The following SCML4 variants were observed in gnomAD, a reference collection of about 807,000 sequenced individuals.
SCML4 encodes sex comb on midleg-like protein 4.
A neutral mutation model predicts 41.1 loss-of-function variants in SCML4; 34 were observed. That is an observed-to-expected ratio of 0.83 (90% CI 0.63 to 1.10). The LOEUF is 1.10. Among genes scored for constraint, SCML4 ranks in the 50% least tolerant of loss-of-function variants. The pLI is 0.00. For missense variants in SCML4, 522 were observed against 534.1 expected, an observed-to-expected ratio of 0.98 and a Z score of 0.22; for synonymous variants, 214 against 220.9, an observed-to-expected ratio of 0.97 and a Z score of 0.28.
chr6:107,790,745 C>T (rs1562261986), intron 1 of SCML4, among the ~76,000 whole-genome samples: 1 of 152,160 alleles, frequency 6.6e-6, no homozygotes, highest in East Asian at 1.9e-4. Flanking sequence ...TCCACACCTA[C>T]TGCAGGAACC....
chr6:107,820,729 G>A (rs1332287978), intron 1 of SCML4, among the ~76,000 whole-genome samples: 3 of 152,144 alleles, frequency 2.0e-5, no homozygotes, highest in Admixed American at 6.6e-5. Context: ...TGGTATGGGC[G>A]TATCAACAAA....
chr6:107,801,898 G>A (rs1046395207), intron 1 of SCML4, among the ~76,000 whole-genome samples: 2 of 151,770 alleles, frequency 1.3e-5, no homozygotes, highest in Non-Finnish European at 2.9e-5. Flanking sequence ...CCGAGTAGCT[G>A]GGATTACAGA....
intron 6 of SCML4, chr6:107,720,008 T>C: frequency 6.1e-6 from 6 of 985,474 alleles, no homozygotes; most frequent in Non-Finnish European, 7.2e-6. Context: ...ACAAGCTTTC[T>C]TTAGTGGATG....
intron 1 of SCML4, among the ~76,000 whole-genome samples, chr6:107,816,087 G>A (rs986472572): frequency 1.3e-5 from 2 of 152,200 alleles, no homozygotes; most frequent in Non-Finnish European, 2.9e-5. Context: ...AACCAAAGGA[G>A]GAAAGACTCA....
intron 1 of SCML4, among the ~76,000 whole-genome samples, chr6:107,799,264 A>T (rs1431205529): frequency 6.6e-6 from 1 of 152,216 alleles, no homozygotes; most frequent in African/African-American, 2.4e-5. Context: ...AAATACATTA[A>T]GAGTTTCATA....
At chr6:107,840,533 A>G in the SCML4 span, among the ~76,000 whole-genome samples, 1 of 152,250 alleles carries the variant, frequency 6.6e-6, no homozygotes, top group Non-Finnish European at 1.5e-5. Context: ...GCACTGTTCT[A>G]GGCTTAGTGT....
intron 5 of SCML4, among the ~76,000 whole-genome samples, chr6:107,731,741 T>C (rs1562193887): frequency 6.6e-6 from 1 of 152,234 alleles, no homozygotes; most frequent in Non-Finnish European, 1.5e-5. Context: ...CATCAGAGAT[T>C]CCTAGCCCTG....
At position 107,746,961 on chromosome 6, in the gene SCML4, C is replaced by T. The variant is rs921666980; in HGVS notation, c.287-72G>A. 40 of 1,298,568 alleles carry T rather than the reference C, an allele frequency of 3.1e-5. No homozygotes were observed. In the African/African-American group the frequency reaches 4.4e-4, roughly 14 times the overall value. The allele number at this position is 1,298,568 out of a possible 1,614,324, so 80.4% of individuals were successfully genotyped here. On this transcript the variant is annotated intron_variant, in intron 3 of 7. Coordinates refer to ENST00000369020, the MANE Select transcript of SCML4 (RefSeq NM_198081.5). ...GGCCAGCTGGCGGCCTCTGTGTACA[C>T]GGGGGATGCCTCAGCCATGCCCCTT...
intron 6 of SCML4, among the ~76,000 whole-genome samples, chr6:107,708,339 C>T (rs1363330455): frequency 6.6e-6 from 1 of 152,146 alleles, no homozygotes; most frequent in African/African-American, 2.4e-5. Flanking sequence ...GACTCTCCTG[C>T]TCAGTTCTTT....
At chr6:107,756,752 T>G (rs1212774967) in intron 2 of SCML4, among the ~76,000 whole-genome samples, 1 of 152,160 alleles carries the variant, frequency 6.6e-6, no homozygotes, top group Non-Finnish European at 1.5e-5. Flanking sequence ...TTCTGTAAAC[T>G]GAAAACTATT....
chr6:107,835,353 C>A, the SCML4 span, among the ~76,000 whole-genome samples: 1 of 150,852 alleles, frequency 6.6e-6, no homozygotes, highest in Non-Finnish European at 1.5e-5. Flanking sequence ...AGAGCGAGAC[C>A]CTGTCTCAAA....
chr6:107,721,531 G>GA (rs55720013), intron 5 of SCML4, among the ~76,000 whole-genome samples: 2 of 150,262 alleles, frequency 1.3e-5, no homozygotes, highest in Non-Finnish European at 3.0e-5. Context: ...CTCAAAAAAA[G>GA]AAAAAAAAAA....
intron 1 of SCML4, 22 bp from the exon 2 acceptor site, chr6:107,772,408 A>G: frequency 7.6e-7 from 1 of 1,321,200 alleles, no homozygotes; most frequent in South Asian, 1.5e-5. Flanking sequence ...TCCAGACACA[A>G]AGCAAAACAA....
At chr6:107,791,105 C>T (rs1043249685) in intron 1 of SCML4, among the ~76,000 whole-genome samples, 17 of 150,034 alleles carry the variant, frequency 1.1e-4, no homozygotes, top group African/African-American at 3.7e-4. Context: ...AGCCCAGGGT[C>T]ACTAAAAATA....
intron 5 of SCML4, among the ~76,000 whole-genome samples, chr6:107,731,510 C>G (rs1279548043): frequency 6.6e-6 from 1 of 152,202 alleles, no homozygotes; most frequent in East Asian, 1.9e-4. Flanking sequence ...CCGCATCAGT[C>G]TTCCCAGTTG....
intron 4 of SCML4, 57 bp downstream of exon 4, chr6:107,746,632 G>T: frequency 6.7e-7 from 1 of 1,498,694 alleles, no homozygotes; most frequent in Non-Finnish European, 9.2e-7. Context: ...GAGTATGGCT[G>T]CTTCCTCTGC....
intron 1 of SCML4, among the ~76,000 whole-genome samples, chr6:107,786,018 G>A (rs6914464): frequency 0.99 from 150,935 of 152,212 alleles, 74,845 homozygotes; most frequent in Middle Eastern, 1. Context: ...AGGACAGCTA[G>A]GCTGAAGGCT....
At chr6:107,803,490 C>G (rs1783449155) in intron 1 of SCML4, among the ~76,000 whole-genome samples, 1 of 150,158 alleles carries the variant, frequency 6.7e-6, no homozygotes, top group South Asian at 2.1e-4. Context: ...CTCTGCCCGG[C>G]CGCCCCTACT....
At chr6:107,712,661 C>A (rs1342926206) in intron 6 of SCML4, among the ~76,000 whole-genome samples, 1 of 152,126 alleles carries the variant, frequency 6.6e-6, no homozygotes, top group African/African-American at 2.4e-5. Flanking sequence ...ACCTCGGGAG[C>A]TGCTCCTGAT....
Sources: gnomAD v4.1 joint callset for allele counts (sites outside exome capture counted in the v4.1 genomes callset) on GRCh38, gnomAD v4.1.1 for gene constraint, MANE v1.5 for transcripts, NCBI Gene and HGNC (gene_info 2026-07-23, HGNC 2026-07-21) for gene names.